The following PRDM10 variants were observed in gnomAD, a reference collection of about 807,000 sequenced individuals.
PRDM10 encodes PR/SET domain 10.
Under a neutral mutation model 133.1 loss-of-function variants are expected in PRDM10, and 65 were observed. That is an observed-to-expected ratio of 0.49 (90% CI 0.40 to 0.60). PRDM10 has a LOEUF of 0.60. Ranked by LOEUF, PRDM10 falls within the 20% of genes least tolerant of loss-of-function variation. PRDM10 has a pLI of 0.00. For synonymous variants in PRDM10, 582 were observed against 580.4 expected (o/e 1.00, Z -0.04); for missense variants, 1,137 against 1,507.1 (o/e 0.75, Z 4.07).
rs1263585255 is a variant in PRDM10 at position 129,977,275 on chromosome 11, C to CACACACAG, written c.-118-16194_-118-16193insCTGTGTGT. On this transcript the variant is annotated intron_variant, in intron 1 of 20. Transcript: ENST00000360871. Reference sequence around the variant, plus strand: ...TAAAATACACACACACACACACACACACACACACACACACACACACACACA... The same window carrying CACACACAG: ...TAAAATACACACACACACACACACACACACACAGACACACACACACACACACACACACA... Among the ~76,000 whole-genome samples, 6 of 151,028 alleles carry CACACACAG rather than the reference C, an allele frequency of 4.0e-5. No individual in the cohort carries two copies. In the South Asian group the frequency reaches 6.3e-4, roughly 16 times the overall value.
At chr11:129,911,994 C>A in intron 18 of PRDM10, 91 bp downstream of exon 18, 3 of 1,382,146 alleles carry the variant, frequency 2.2e-6, no homozygotes, top group East Asian at 5.2e-5. Context: ...GCTGAGGAGA[C>A]TAGGTCTGAA....
chr11:129,996,005 T>G (rs545283488), intron 1 of PRDM10, among the ~76,000 whole-genome samples: 1 of 151,970 alleles, frequency 6.6e-6, no homozygotes, highest in African/African-American at 2.4e-5. Flanking sequence ...TACAAACAAC[T>G]TCAAGTATTT....
At chr11:129,951,112 C>T (rs575689030) in intron 4 of PRDM10, among the ~76,000 whole-genome samples, 1 of 152,330 alleles carries the variant, frequency 6.6e-6, no homozygotes, top group South Asian at 2.1e-4. Flanking sequence ...AAGAACTGTA[C>T]ACTTCTAGAC....
Position 129,993,458 on chromosome 11 carries a change from C to G in PRDM10, c.-119+9264G>C, listed in dbSNP as rs185519694. 2.2e-3 allele frequency among the ~76,000 whole-genome samples: 342 copies of G among 152,162 alleles called. 7 individuals carry two copies. The highest frequency in any genetic ancestry group is 7.7e-4 in the East Asian group (4 of 5,174). On this transcript the variant is annotated intron_variant, in intron 1 of 20. Coordinates refer to ENST00000360871, the MANE Select transcript of PRDM10 (RefSeq NM_199437.2). ...TCCATATGGTGTTCTATTGGTCCAT[C>G]ATTATTAGCCTACCCAGTGCCAATA...
chr11:129,973,295 G>A (rs1402916700), intron 1 of PRDM10, among the ~76,000 whole-genome samples: 1 of 152,166 alleles, frequency 6.6e-6, no homozygotes, highest in African/African-American at 2.4e-5. Flanking sequence ...AATGTTCAAG[G>A]TCTGTGAACC....
rs1371472626 is a variant in PRDM10 at position 129,915,895 on chromosome 11, T to G, written c.2326-35A>C. ...TAAGCGCCTTGCCATGAAAGCAGTA[T>G]ACAGTTCCACTTTCTTGCTTAAAGC... On this transcript the variant is annotated intron_variant, in intron 15 of 20. Transcript: ENST00000360871. 17 of 1,576,796 alleles carry G rather than the reference T, an allele frequency of 1.1e-5. No individual in the cohort carries two copies. The Middle Eastern group carries it at 6.8e-4, about 63-fold the overall frequency.
chr11:129,996,081 G>A (rs189077066), intron 1 of PRDM10, among the ~76,000 whole-genome samples: 3 of 152,314 alleles, frequency 2.0e-5, no homozygotes, highest in African/African-American at 4.8e-5. Flanking sequence ...CATTTATACT[G>A]CATTCTACGT....
rs570696363 is a variant in PRDM10, at chr11:129,901,906, T to C, written c.*407A>G. The stretch of plus-strand genomic sequence containing the variant: ...CACCCACAAAATGCCCCTTCTCCTT[T>C]GGTGCCATGGCTTGGAATAAGAAGT... On this transcript the variant is annotated 3_prime_UTR_variant, in exon 21 of 21. Transcript: ENST00000360871. 121 of 161,154 alleles carry C rather than the reference T, an allele frequency of 7.5e-4. No homozygotes were observed. The highest frequency in any genetic ancestry group is 1.4e-3 in the Non-Finnish European group (101 of 73,940). The allele number at this position is 161,154 out of a possible 1,614,324, so 10.0% of individuals were successfully genotyped here.
intron 13 of PRDM10, among the ~76,000 whole-genome samples, chr11:129,922,585 AGT>A (rs1201548219): frequency 1.3e-5 from 2 of 152,156 alleles, no homozygotes; most frequent in African/African-American, 4.8e-5. Context: ...TTTCTATGAG[AGT>A]GTGACCTACA....
intron 19 of PRDM10, among the ~76,000 whole-genome samples, chr11:129,909,406 T>C (rs947942185): frequency 1.4e-4 from 21 of 151,110 alleles, no homozygotes; most frequent in African/African-American, 5.1e-4. Flanking sequence ...GCCGCGATTG[T>C]GCCACTGCAC....
At chr11:129,970,198 G>C (rs555488870) in intron 1 of PRDM10, among the ~76,000 whole-genome samples, 4 of 152,312 alleles carry the variant, frequency 2.6e-5, no homozygotes, top group African/African-American at 9.6e-5. Flanking sequence ...CCCTAAAAAG[G>C]AAGGGAACTC....
chr11:130,002,444 G>A (rs1939473796), intron 1 of PRDM10, among the ~76,000 whole-genome samples: 1 of 152,122 alleles, frequency 6.6e-6, no homozygotes, highest in South Asian at 2.1e-4. Context: ...CTTGGAAGGT[G>A]CAGATGGTTT....
At chr11:129,926,138 G>A (rs1489121995) in intron 11 of PRDM10, among the ~76,000 whole-genome samples, 1 of 152,174 alleles carries the variant, frequency 6.6e-6, no homozygotes, top group Non-Finnish European at 1.5e-5. Flanking sequence ...TTTGTTTTCA[G>A]GCACAGATTG....
intron 1 of PRDM10, among the ~76,000 whole-genome samples, chr11:129,979,317 C>G (rs1403256688): frequency 6.6e-6 from 1 of 152,130 alleles, no homozygotes; most frequent in Non-Finnish European, 1.5e-5. Context: ...GCTCGAGGAG[C>G]AGAACTCCAC....
chr11:129,977,774 G>A (rs1407886770), intron 1 of PRDM10, among the ~76,000 whole-genome samples: 1 of 152,064 alleles, frequency 6.6e-6, no homozygotes, highest in East Asian at 1.9e-4. Context: ...GAACAACATG[G>A]GGAAACCCCA....
intron 9 of PRDM10, 120 bp downstream of exon 9, chr11:129,934,981 G>T: frequency 1.3e-6 from 1 of 748,384 alleles, no homozygotes; most frequent in Non-Finnish European, 2.2e-6. Flanking sequence ...TCCCTCAGTA[G>T]CCCACCTGGT....
chr11:129,908,938 C>G (rs1281982334), intron 19 of PRDM10, among the ~76,000 whole-genome samples: 2 of 151,510 alleles, frequency 1.3e-5, no homozygotes, highest in East Asian at 4.0e-4. Flanking sequence ...CCATGTTGGC[C>G]AGGCTGGTCT....
At chr11:129,931,359 T>C (rs535039724) in intron 10 of PRDM10, 101 bp from the exon 11 acceptor site, 1 of 1,422,468 alleles carries the variant, frequency 7.0e-7, no homozygotes, top group African/African-American at 1.4e-5. Flanking sequence ...TTCATAATAC[T>C]CAGAAAAAAT....
intron 8 of PRDM10, among the ~76,000 whole-genome samples, chr11:129,936,551 G>T (rs180770674): frequency 1.3e-5 from 2 of 152,190 alleles, no homozygotes; most frequent in African/African-American, 4.8e-5. Flanking sequence ...TACTCGGGAG[G>T]CTGAGGCAGG....
Sources: allele counts gnomAD v4.1 joint callset (sites outside exome capture counted in the v4.1 genomes callset), GRCh38; gene constraint gnomAD v4.1.1; transcripts MANE v1.5; gene names NCBI Gene and HGNC (gene_info 2026-07-23, HGNC 2026-07-21).